Variants in ZNF804B observed in about 807,000 individuals in gnomAD.
ZNF804B encodes zinc finger protein 804B.
In ZNF804B, 80 loss-of-function variants were observed where a neutral mutation model predicts 101.4. That is an observed-to-expected ratio of 0.79 (90% confidence interval 0.66 to 0.95). The LOEUF (loss-of-function observed/expected upper bound fraction) is 0.95. Ranked by LOEUF, ZNF804B falls within the 40% of genes least tolerant of loss-of-function variation. The pLI is 0.00. For synonymous variants in ZNF804B, 622 were observed against 558.8 expected (o/e 1.11, Z -1.59); for missense variants, 1,673 against 1,561.9 (o/e 1.07, Z -1.20).
At chr7:89,284,487 T>C (rs1414364753) in intron 2 of ZNF804B, among the ~76,000 whole-genome samples, 2 of 152,222 alleles carry the variant, frequency 1.3e-5, no homozygotes, top group East Asian at 3.9e-4. Flanking sequence ...TGCAGCGTGG[T>C]TGCCCACTAT....
At chr7:89,323,819 C>A (rs1225494825) in intron 2 of ZNF804B, among the ~76,000 whole-genome samples, 1 of 152,016 alleles carries the variant, frequency 6.6e-6, no homozygotes, top group Admixed American at 6.6e-5. Flanking sequence ...TGTCTGTTCT[C>A]AATAAGAGCT....
intron 2 of ZNF804B, among the ~76,000 whole-genome samples, 170 bp from the exon 3 acceptor site, chr7:89,327,174 G>A (rs529944388): frequency 1.3e-5 from 2 of 149,520 alleles, no homozygotes; most frequent in African/African-American, 5.1e-5. Flanking sequence ...ACATTTATCT[G>A]CTAAATGTGT....
chr7:88,889,988 C>T (rs1044644135), intron 1 of ZNF804B, among the ~76,000 whole-genome samples: 1 of 152,138 alleles, frequency 6.6e-6, no homozygotes, highest in Non-Finnish European at 1.5e-5. Context: ...CATTCTTCTA[C>T]ATGTGGCTAG....
chr7:88,835,328 T>C (rs182353176), intron 1 of ZNF804B, among the ~76,000 whole-genome samples: 22 of 151,996 alleles, frequency 1.4e-4, no homozygotes, highest in Admixed American at 1.4e-3. Context: ...TGTGTCGATA[T>C]ATTGAATTTT....
chr7:89,132,303 A>G (rs1483725725), intron 1 of ZNF804B, among the ~76,000 whole-genome samples: 1 of 151,972 alleles, frequency 6.6e-6, no homozygotes, highest in Non-Finnish European at 1.5e-5. Flanking sequence ...CTGCAGAGGA[A>G]TTTTCTGAAA....
At chr7:88,933,562 C>G (rs921914575) in intron 1 of ZNF804B, among the ~76,000 whole-genome samples, 1 of 151,920 alleles carries the variant, frequency 6.6e-6, no homozygotes, top group Non-Finnish European at 1.5e-5. Context: ...TCAAAAAGCT[C>G]CTATATCTGA....
At chr7:89,323,567 C>T (rs893817696) in intron 2 of ZNF804B, among the ~76,000 whole-genome samples, 1 of 152,020 alleles carries the variant, frequency 6.6e-6, no homozygotes, top group Non-Finnish European at 1.5e-5. Flanking sequence ...ACACTTGTAT[C>T]ATAATTATGT....
intron 1 of ZNF804B, among the ~76,000 whole-genome samples, chr7:88,917,077 C>A (rs192663757): frequency 2.3e-3 from 345 of 152,034 alleles, no homozygotes; most frequent in Non-Finnish European, 4.0e-3. Context: ...CCAGCCTGAC[C>A]AACATGGTGA....
intron 2 of ZNF804B, among the ~76,000 whole-genome samples, chr7:89,236,658 T>C (rs753627985): frequency 1.6e-4 from 24 of 152,138 alleles, no homozygotes; most frequent in Non-Finnish European, 1.6e-4. Context: ...TTTAAAATTA[T>C]GTTTATGTTT....
At chr7:89,013,186 C>A (rs536396698) in intron 1 of ZNF804B, among the ~76,000 whole-genome samples, 4 of 152,170 alleles carry the variant, frequency 2.6e-5, no homozygotes, top group African/African-American at 9.6e-5. Context: ...AGAGCCAAAC[C>A]ATATCAAGTT....
chr7:89,192,517 T>C (rs1161345509), intron 1 of ZNF804B, among the ~76,000 whole-genome samples: 2 of 152,102 alleles, frequency 1.3e-5, no homozygotes, highest in Non-Finnish European at 2.9e-5. Context: ...TCCATTTATA[T>C]AAAATCTTAT....
intron 1 of ZNF804B, among the ~76,000 whole-genome samples, chr7:88,839,221 C>A (rs1397354531): frequency 2.0e-5 from 3 of 151,930 alleles, no homozygotes; most frequent in Non-Finnish European, 4.4e-5. Context: ...TATCTCTGAT[C>A]AATTCTTGTG....
At chr7:89,012,079 C>T (rs1030826159) in intron 1 of ZNF804B, among the ~76,000 whole-genome samples, 1 of 152,208 alleles carries the variant, frequency 6.6e-6, no homozygotes, top group African/African-American at 2.4e-5. Context: ...CTTCTGTGTA[C>T]TCACACTTTC....
In ZNF804B at chr7:89,282,318, G is replaced by A. The variant is rs545463649; in HGVS notation, c.250-45026G>A. On this transcript the variant is annotated intron_variant, in intron 2 of 3. Transcript: ENST00000333190. ...AATTCATGACTATGAAATGACACATGTGCCTATGGTATTGCAAATATCATC... is the reference window on the plus strand; with the variant it reads ...AATTCATGACTATGAAATGACACATATGCCTATGGTATTGCAAATATCATC... 5.9e-5 allele frequency among the ~76,000 whole-genome samples: 9 copies of A among 151,904 alleles called. No individual in the cohort carries two copies. The South Asian group carries it at 1.5e-3, about 25-fold the overall frequency.
intron 1 of ZNF804B, among the ~76,000 whole-genome samples, chr7:89,187,103 T>A (rs910249669): frequency 1.3e-5 from 2 of 152,148 alleles, no homozygotes; most frequent in African/African-American, 4.8e-5. Flanking sequence ...GTCCTTTGAT[T>A]TTTTTAGAGA....
chr7:89,196,858 T>C (rs553783568), intron 1 of ZNF804B, among the ~76,000 whole-genome samples: 2 of 151,960 alleles, frequency 1.3e-5, no homozygotes, highest in Admixed American at 1.3e-4. Flanking sequence ...TCAACAAACA[T>C]ATGAAAAAAA....
chr7:89,134,358 T>C (rs1790598413), intron 1 of ZNF804B, among the ~76,000 whole-genome samples: 5 of 152,060 alleles, frequency 3.3e-5, no homozygotes, highest in Admixed American at 3.3e-4. Flanking sequence ...GGAATGGAGC[T>C]GCTTTTTTCT....
At chr7:88,983,925 T>C (rs1325211112) in intron 1 of ZNF804B, among the ~76,000 whole-genome samples, 1 of 152,090 alleles carries the variant, frequency 6.6e-6, no homozygotes, top group African/African-American at 2.4e-5. Context: ...CTGACAAATC[T>C]TGGCACCTCA....
intron 1 of ZNF804B, among the ~76,000 whole-genome samples, chr7:88,879,358 G>A (rs1791998850): frequency 6.6e-6 from 1 of 152,120 alleles, no homozygotes; most frequent in Admixed American, 6.5e-5. Context: ...ACAAAGTATA[G>A]AAAGGCATAT....
Sources: gnomAD v4.1 joint callset for allele counts (sites outside exome capture counted in the v4.1 genomes callset) on GRCh38, gnomAD v4.1.1 for gene constraint, MANE v1.5 for transcripts, NCBI Gene and HGNC (gene_info 2026-07-23, HGNC 2026-07-21) for gene names.